Variants in CDH13 observed in about 807,000 individuals in gnomAD.
CDH13 encodes cadherin 13.
A neutral mutation model predicts 63.8 loss-of-function variants in CDH13; 24 were observed. The ratio of observed to expected loss-of-function variants is 0.38; its 90% confidence interval spans 0.27 to 0.53. The LOEUF (loss-of-function observed/expected upper bound fraction) is 0.53, where lower values mean the gene tolerates loss of function less well. Among genes scored for constraint, CDH13 ranks in the 20% least tolerant of loss-of-function variants. The pLI, the probability that CDH13 is intolerant of heterozygous loss-of-function variation, is 0.85. For synonymous variants in CDH13, 503 were observed against 355.3 expected (o/e 1.42, Z -4.67); for missense variants, 1,049 against 903.1 (o/e 1.16, Z -2.07).
chr16:83,158,975 T>C (rs1486317310), intron 4 of CDH13, among the ~76,000 whole-genome samples: 1 of 152,240 alleles, frequency 6.6e-6, no homozygotes, highest in Non-Finnish European at 1.5e-5. Context: ...AATTCACAAA[T>C]CTGAATTTCA....
At chr16:83,392,060 C>G (rs888194321) in intron 6 of CDH13, among the ~76,000 whole-genome samples, 1 of 152,170 alleles carries the variant, frequency 6.6e-6, no homozygotes, top group African/African-American at 2.4e-5. Context: ...GCCAGTAACA[C>G]CCCCGATTAT....
chr16:83,216,983 C>T (rs890389123), intron 4 of CDH13, among the ~76,000 whole-genome samples: 3 of 151,966 alleles, frequency 2.0e-5, no homozygotes, highest in Admixed American at 1.3e-4. Flanking sequence ...GCTTCCATTA[C>T]CTTTTTTGTT....
chr16:82,940,327 C>T (rs781344708), intron 2 of CDH13, among the ~76,000 whole-genome samples: 6 of 152,012 alleles, frequency 3.9e-5, no homozygotes, highest in East Asian at 1.9e-4. Context: ...AAAATGGAGA[C>T]GGCAAAAATT....
intron 5 of CDH13, among the ~76,000 whole-genome samples, chr16:83,231,983 C>T (rs987147029): frequency 1.5e-4 from 23 of 152,102 alleles, no homozygotes; most frequent in African/African-American, 2.7e-4. Flanking sequence ...AACCAAATAC[C>T]ACATGTTCTA....
At chr16:83,600,210 T>C (rs1241143391) in intron 7 of CDH13, among the ~76,000 whole-genome samples, 2 of 152,174 alleles carry the variant, frequency 1.3e-5, no homozygotes, top group Non-Finnish European at 2.9e-5. Flanking sequence ...GAACTGGAAC[T>C]GGGTACGGTG....
intron 6 of CDH13, among the ~76,000 whole-genome samples, chr16:83,427,505 A>AC (rs2071948643): frequency 1.3e-5 from 2 of 152,024 alleles, no homozygotes; most frequent in Non-Finnish European, 2.9e-5. Context: ...CCTTGACCTA[A>AC]CCCCCATGAG....
chr16:83,001,262 G>A (rs1912899029), intron 2 of CDH13, among the ~76,000 whole-genome samples: 2 of 152,196 alleles, frequency 1.3e-5, no homozygotes, highest in East Asian at 1.9e-4. Context: ...TTCTTAAGTC[G>A]TTCTTGCAAT....
At chr16:83,730,841 T>C (rs1403453708) in intron 10 of CDH13, among the ~76,000 whole-genome samples, 1 of 152,182 alleles carries the variant, frequency 6.6e-6, no homozygotes, top group African/African-American at 2.4e-5. Context: ...TAGTCCCCAA[T>C]GTCTATTGCT....
At chr16:83,132,454 T>C (rs757316514) in intron 4 of CDH13, among the ~76,000 whole-genome samples, 1,663 of 6,050 alleles carry the variant, frequency 0.27, 20 homozygotes, top group Middle Eastern at 0.5. Flanking sequence ...CACCCCCCCC[T>C]TTTTTTTTTT....
At chr16:83,647,465 T>G (rs544477054) in intron 8 of CDH13, among the ~76,000 whole-genome samples, 1 of 152,318 alleles carries the variant, frequency 6.6e-6, no homozygotes, top group South Asian at 2.1e-4. Flanking sequence ...ATAGCAATGA[T>G]GCTAGATGTT....
At chr16:82,797,366 T>A (rs1437301866) in intron 1 of CDH13, among the ~76,000 whole-genome samples, 2 of 152,312 alleles carry the variant, frequency 1.3e-5, no homozygotes, top group African/African-American at 4.8e-5. Flanking sequence ...ATCGCCACCA[T>A]GCATCATTAG....
At chr16:83,049,001 T>C (rs889823076) in intron 3 of CDH13, among the ~76,000 whole-genome samples, 5 of 152,204 alleles carry the variant, frequency 3.3e-5, no homozygotes, top group Admixed American at 6.5e-5. Context: ...CTTTTGAAGG[T>C]CGTGGAAACT....
chr16:83,653,751 T>G (rs1290528046), intron 8 of CDH13, among the ~76,000 whole-genome samples: 3 of 152,164 alleles, frequency 2.0e-5, no homozygotes, highest in Non-Finnish European at 2.9e-5. Flanking sequence ...TCCAACAAGC[T>G]GGGTATTTGA....
intron 2 of CDH13, among the ~76,000 whole-genome samples, chr16:83,004,182 A>G (rs1400184072): frequency 6.6e-6 from 1 of 152,204 alleles, no homozygotes; most frequent in South Asian, 2.1e-4. Context: ...CCCATTCCTT[A>G]TACCGTGAGT....
At chr16:82,714,168 C>T (rs1265126927) in intron 1 of CDH13, among the ~76,000 whole-genome samples, 1 of 152,114 alleles carries the variant, frequency 6.6e-6, no homozygotes, top group South Asian at 2.1e-4. Context: ...ACTCATACGT[C>T]CATAAAGGCA....
intron 4 of CDH13, among the ~76,000 whole-genome samples, chr16:83,173,381 ATTATC>A (rs1169224284): frequency 6.6e-6 from 1 of 152,116 alleles, no homozygotes; most frequent in Non-Finnish European, 1.5e-5. Context: ...TAAATATGCT[ATTATC>A]TTAGGGAATC....
intron 1 of CDH13, among the ~76,000 whole-genome samples, chr16:82,827,937 G>C (rs898222152): frequency 2.4e-4 from 36 of 152,140 alleles, no homozygotes; most frequent in African/African-American, 8.2e-4. Flanking sequence ...CAGAGTAGGA[G>C]TAGAGTATCC....
intron 2 of CDH13, among the ~76,000 whole-genome samples, chr16:83,004,149 C>G (rs573892655): frequency 6.6e-6 from 1 of 152,256 alleles, no homozygotes; most frequent in African/African-American, 2.4e-5. Flanking sequence ...CAGCAGAAAC[C>G]TACAGCCCCA....
At chr16:82,907,851 C>A (rs1001367811) in intron 2 of CDH13, among the ~76,000 whole-genome samples, 25 of 152,250 alleles carry the variant, frequency 1.6e-4, no homozygotes, top group African/African-American at 5.5e-4. Context: ...AGTATGTTCC[C>A]CCCAAAGTAG....
Sources: allele counts gnomAD v4.1 joint callset (sites outside exome capture counted in the v4.1 genomes callset), GRCh38; gene constraint gnomAD v4.1.1; transcripts MANE v1.5; gene names NCBI Gene and HGNC (gene_info 2026-07-23, HGNC 2026-07-21).